SPTBN4: variants seen among roughly 807,000 people sequenced by gnomAD.
SPTBN4 encodes spectrin beta chain, non-erythrocytic 4.
Under a neutral mutation model 277.8 loss-of-function variants are expected in SPTBN4, and 96 were observed. The observed-to-expected ratio is 0.35, with a 90% confidence interval of 0.29 to 0.41. The LOEUF (loss-of-function observed/expected upper bound fraction) is 0.41, where lower values mean the gene tolerates loss of function less well. SPTBN4 is among the 10% of genes least tolerant of loss of function. The pLI, the probability that SPTBN4 is intolerant of heterozygous loss-of-function variation, is 1.00. For synonymous variants in SPTBN4, 1,481 were observed against 1,580.3 expected (o/e 0.94, Z 1.49); for missense variants, 3,006 against 3,595.7 (o/e 0.84, Z 4.19).
At chr19:40,467,623 CGGG>C (rs562140429) in intron 1 of SPTBN4, among the ~76,000 whole-genome samples, 1,131 of 104,918 alleles carry the variant, frequency 0.011, 5 homozygotes, top group Non-Finnish European at 0.014. Flanking sequence ...CCAGCCTTTG[CGGG>C]GGGGGGGGGG....
chr19:40,519,824 G>A lies in SPTBN4; in HGVS notation c.3327G>A (p.Glu1109=), dbSNP rs1396377474. The A allele has an allele frequency of 3.5e-6, 5 of 1,434,294 alleles. No homozygotes were observed. Among genetic ancestry groups the A allele is most frequent in the Non-Finnish European group, 4.5e-6 (5 of 1,106,692 alleles). 88.8% of individuals were successfully genotyped at this position (1,434,294 alleles called of 1,614,324 possible). A position where few individuals can be genotyped will look rare whatever the true frequency, so the allele number is the denominator to read the frequency against. The part of the protein sequence containing the change: ...AFLDWLVRAQ[E]AAGGSEGPLP... ...TGGACTGGCTCGTGCGCGCCCAGGA[G>A]GCGGCGGGCGGCAGCGAGGGGCCCC... Residue 1109 remains glutamate, a synonymous_variant, in exon 16 of 36, where the codon GAG becomes GAA. Coordinates refer to ENST00000598249, the MANE Select transcript of SPTBN4 (RefSeq NM_020971.3). The surrounding 1 kb of genome is among the most constrained non-coding windows in gnomAD (Gnocchi z 5.7).
intron 20 of SPTBN4, among the ~76,000 whole-genome samples, chr19:40,538,757 T>C (rs1157685192): frequency 6.6e-6 from 1 of 152,100 alleles, no homozygotes; most frequent in Non-Finnish European, 1.5e-5. Flanking sequence ...CCAGATAATT[T>C]TTGTAGTATT....
At chr19:40,504,231 G>A (rs2080298361) in intron 12 of SPTBN4, 99 bp downstream of exon 12, 3 of 1,255,388 alleles carry the variant, frequency 2.4e-6, no homozygotes, top group Non-Finnish European at 3.3e-6. Context: ...GGAGAGGGAA[G>A]GGCAGAGATA....
chr19:40,503,910 C>T lies in SPTBN4; in HGVS notation c.1443C>T (p.Tyr481=), dbSNP rs371031374. 2.8e-4 allele frequency: 456 copies of T among 1,613,286 alleles called. 2 individuals carry two copies. The South Asian group carries it at 4.3e-3, about 15-fold the overall frequency. Residue 481 remains tyrosine, a synonymous_variant, in exon 12 of 36, where the codon TAC becomes TAT. Coordinates refer to ENST00000598249, the MANE Select transcript of SPTBN4 (RefSeq NM_020971.3). ...CGATCGAGGCAGACATTGCGGCCTA[C>T]GAGGAGCGGGTGCAGGGTGTGGCGG... ...HEAIEADIAA[Y]EERVQGVAEL... is the part of the protein sequence containing the mutation.
rs2145847097 is a variant in SPTBN4 at position 40,502,250 on chromosome 19, C to T, written c.1020C>T (p.Ser340=). Residue 340 remains serine (S), a synonymous_variant, in exon 9 of 36, where the codon TCC becomes TCT. Transcript: ENST00000598249. The surrounding 1 kb of genome is among the most constrained non-coding windows in gnomAD (Gnocchi z 4.9). The stretch of plus-strand genomic sequence containing the variant: ...TCAGCAATCAGAAATTTGCCAACTC[C>T]TTAAGTGGGGTGCAGCAGCAACTCC... ...GLISNQKFAN[S]LSGVQQQLQA... The T allele has an allele frequency of 4.3e-6, 7 of 1,613,836 alleles. No individual in the cohort carries two copies. Among genetic ancestry groups the T allele is most frequent in the Non-Finnish European group, 5.1e-6 (6 of 1,180,012 alleles).
At chr19:40,481,270 G>C (rs555218800) in intron 2 of SPTBN4, among the ~76,000 whole-genome samples, 1 of 152,258 alleles carries the variant, frequency 6.6e-6, no homozygotes, top group East Asian at 1.9e-4. Context: ...TGCTCAGGCT[G>C]GTCTCCAACT....
At position 40,567,650 on chromosome 19, in the gene SPTBN4, C is replaced by G; in HGVS notation, c.6337-13C>G. On this transcript the variant is annotated splice_polypyrimidine_tract_variant and intron_variant, in intron 30 of 35. Coordinates refer to ENST00000598249, the MANE Select transcript of SPTBN4 (RefSeq NM_020971.3). ...CCACGCCTCCAACCTAACCCTGGTC[C>G]CTCCATCCTCAGATCGAGAAAATCA... 1 of 1,492,930 alleles carries G rather than the reference C, an allele frequency of 6.7e-7. No homozygotes were observed. The highest frequency in any genetic ancestry group is 1.3e-5 in the South Asian group (1 of 76,652). The allele number at this position is 1,492,930 out of a possible 1,614,324, so 92.5% of individuals were successfully genotyped here. A position where few individuals can be genotyped will look rare whatever the true frequency, so the allele number is the denominator to read the frequency against.
intron 30 of SPTBN4, 110 bp downstream of exon 30, chr19:40,566,469 G>T (rs943374123): frequency 9.4e-7 from 1 of 1,061,198 alleles, no homozygotes; most frequent in African/African-American, 1.6e-5. Context: ...CCTGTGTTGT[G>T]TGAGTGCCAA....
At chr19:40,486,706 G>A (rs1344377777) in intron 2 of SPTBN4, among the ~76,000 whole-genome samples, 3 of 151,208 alleles carry the variant, frequency 2.0e-5, no homozygotes, top group Admixed American at 1.3e-4. Flanking sequence ...CAGTTTGACA[G>A]TTCCTTAAGG....
chr19:40,520,292 T>G, intron 16 of SPTBN4, 141 bp downstream of exon 16: 1 of 900,068 alleles, frequency 1.1e-6, no homozygotes, highest in South Asian at 3.5e-5. Flanking sequence ...TGAGAGAGTA[T>G]CCGGAATGGA....
At chr19:40,505,382 C>CAA (rs1209780246) in intron 12 of SPTBN4, among the ~76,000 whole-genome samples, 8,103 of 55,692 alleles carry the variant, frequency 0.15, 793 homozygotes, top group African/African-American at 0.19. Context: ...GACCCTGTCT[C>CAA]AAAAAAAAAA....
chr19:40,530,281 C>G (rs61487057), intron 18 of SPTBN4, among the ~76,000 whole-genome samples: 5,991 of 152,168 alleles, frequency 0.039, 217 homozygotes, highest in African/African-American at 0.092. Flanking sequence ...GAGCACCCCC[C>G]ATCCCTCATG....
At chr19:40,574,879 G>A (rs897482228) in intron 35 of SPTBN4, among the ~76,000 whole-genome samples, 6 of 152,044 alleles carry the variant, frequency 3.9e-5, no homozygotes, top group Non-Finnish European at 7.4e-5. Flanking sequence ...GCCAGGCATG[G>A]TGGCACGTGC....
Position 40,513,332 on chromosome 19 carries a change from T to C in SPTBN4, c.2543T>C (p.Leu848Pro), listed in dbSNP as rs1383471949. The C allele has an allele frequency of 1.6e-5, 25 of 1,583,422 alleles. No homozygotes were observed. The highest frequency in any genetic ancestry group is 2.1e-5 in the Non-Finnish European group (25 of 1,167,582). The change falls in exon 14 of 36, where the codon CTG (leucine) becomes CCG (proline). Residue 848 changes from leucine (L) to proline (P), a missense_variant. Around this residue, in one of 5 missense-constraint regions of SPTBN4, gnomAD observed 1,759 missense variants for 2,061.5 expected, o/e 0.85. Transcript: ENST00000598249. ...GGGGGTGCCAGTGGCGCAGGGCCAC[T>C]GGTGGTGGCGCTGCAGGTGCGCGTG... is the stretch of plus-strand genomic sequence containing the variant. ...TLGGASGAGP[L>P]VVALQVRVVE...
rs150672041 is a variant in SPTBN4, at chr19:40,490,913, A to C, written c.495+665A>C. ...AAAAATTAGCCAGGCATGGTGGTGCATGCCTGTGGTCCCAGCTACTCAGGA... is the reference window on the plus strand; with the variant it reads ...AAAAATTAGCCAGGCATGGTGGTGCCTGCCTGTGGTCCCAGCTACTCAGGA... On this transcript the variant is annotated intron_variant, in intron 4 of 35. Coordinates refer to ENST00000598249, the MANE Select transcript of SPTBN4 (RefSeq NM_020971.3). The surrounding 1 kb of genome is among the most constrained non-coding windows in gnomAD (Gnocchi z 4.3). Among the ~76,000 whole-genome samples, 3 of 152,026 alleles carry C rather than the reference A, an allele frequency of 2.0e-5. No individual in the cohort carries two copies. Among genetic ancestry groups the C allele is most frequent in the Non-Finnish European group, 4.4e-5 (3 of 68,028 alleles).
At chr19:40,539,827 C>T (rs62107863) in intron 20 of SPTBN4, among the ~76,000 whole-genome samples, 26,136 of 151,896 alleles carry the variant, frequency 0.17, 2,353 homozygotes, top group Non-Finnish European at 0.2. Flanking sequence ...ATATTTCTGA[C>T]CTCATAAGGA....
chr19:40,538,304 G>A (rs2080761187), intron 20 of SPTBN4, among the ~76,000 whole-genome samples: 3 of 151,062 alleles, frequency 2.0e-5, no homozygotes, highest in South Asian at 4.2e-4. Flanking sequence ...CATGAGAATC[G>A]CTTGAACTTG....
At position 40,567,686 on chromosome 19, in the gene SPTBN4, G is replaced by T; in HGVS notation, c.6360G>T (p.Gln2120His). 1 of 1,524,108 alleles carries T rather than the reference G, an allele frequency of 6.6e-7. No individual in the cohort carries two copies. The highest frequency in any genetic ancestry group is 8.8e-7 in the Non-Finnish European group (1 of 1,134,406). The allele number at this position is 1,524,108 out of a possible 1,614,324, so 94.4% of individuals were successfully genotyped here. A position where few individuals can be genotyped will look rare whatever the true frequency, so the allele number is the denominator to read the frequency against. ...AGATCGAGAAAATCAAAGCGGAACA[G>T]AGCAAGCAGCCGCCTACCCCACTGC... Reference protein sequence around the residue: ...LTTIEKIKAEQSKQPPTPLLG... With the variant: ...LTTIEKIKAEHSKQPPTPLLG... Residue 2120 changes from glutamine to histidine, a missense_variant, in exon 31 of 36, where the codon CAG becomes CAT. Physicochemically the swap from Gln to His is conservative, Grantham distance 24. Coordinates refer to ENST00000598249, the MANE Select transcript of SPTBN4 (RefSeq NM_020971.3).
At chr19:40,508,507 T>C (rs2080354873) in intron 13 of SPTBN4, among the ~76,000 whole-genome samples, 1 of 152,100 alleles carries the variant, frequency 6.6e-6, no homozygotes, top group South Asian at 2.1e-4. Context: ...GCCAACATGG[T>C]GAAACCCCAT....
Sources: gnomAD v4.1 joint callset for allele counts (sites outside exome capture counted in the v4.1 genomes callset) on GRCh38, gnomAD v4.1.1 for gene constraint, gnomAD v4.1.1 regional missense constraint, Gnocchi (gnomAD v3.1) non-coding constraint, MANE v1.5 for transcripts, NCBI Gene and HGNC (gene_info 2026-07-23, HGNC 2026-07-21) for gene names.